The following SHB variants were observed in gnomAD, a reference collection of about 807,000 sequenced individuals.
The protein encoded by SHB is SH2 domain-containing adapter protein B.
SHB carries 20 observed loss-of-function variants against 52.3 expected under a neutral mutation model. The observed-to-expected ratio is 0.38, with a 90% CI of 0.27 to 0.56. SHB has a LOEUF of 0.56. Ranked by LOEUF, SHB falls within the 20% of genes least tolerant of loss-of-function variation. The probability of loss-of-function intolerance (pLI) is 0.71; values close to 1 mark genes in which losing one functional copy is unlikely to be tolerated. For synonymous variants in SHB, 397 were observed against 316.5 expected, an observed-to-expected ratio of 1.25 and a Z score of -2.70; for missense variants, 825 against 723.3, an observed-to-expected ratio of 1.14 and a Z score of -1.61.
chr9:38,054,048 A>T (rs1224448810), intron 1 of SHB, among the ~76,000 whole-genome samples: 1 of 152,198 alleles, frequency 6.6e-6, no homozygotes, highest in African/African-American at 2.4e-5. Context: ...TTACTATTCT[A>T]CCTACATAGA....
At position 37,943,330 on chromosome 9, in the gene SHB, T is replaced by C. The variant is rs559084695; in HGVS notation, c.1346+5305A>G. Among the ~76,000 whole-genome samples, 5 of 152,242 alleles carry C rather than the reference T, an allele frequency of 3.3e-5. 1 individual carries two copies. The South Asian group carries it at 1.0e-3, about 32-fold the overall frequency. ...CCCTGAACACATTCTCCGTGAGTTATAGGTGTAAGTGTCTTCCTTTCCTTG... is the reference window on the plus strand; with the variant it reads ...CCCTGAACACATTCTCCGTGAGTTACAGGTGTAAGTGTCTTCCTTTCCTTG... On this transcript the variant is annotated intron_variant, in intron 5 of 5. Transcript: ENST00000377707.
rs1832105869 is a variant in SHB at position 37,916,838 on chromosome 9, C to CG, written c.*2982dup. ...GCCAGAAGGGCCCTTGACTCCTCAG[C>CG]GCTCAAGGACAGAGTTGCTCAAGTG... On this transcript the variant is annotated 3_prime_UTR_variant, in exon 6 of 6. Coordinates refer to ENST00000377707, the MANE Select transcript of SHB (RefSeq NM_003028.3). 6.6e-6 allele frequency among the ~76,000 whole-genome samples: 1 copy of CG among 152,134 alleles called. No individual in the cohort carries two copies. The highest frequency in any genetic ancestry group is 6.5e-5 in the Admixed American group (1 of 15,284).
intron 1 of SHB, among the ~76,000 whole-genome samples, chr9:38,021,385 G>A (rs1377507346): frequency 6.6e-6 from 1 of 151,998 alleles, no homozygotes; most frequent in Non-Finnish European, 1.5e-5. Flanking sequence ...GCTGGGCACG[G>A]TGGCTCACAC....
In SHB at chr9:37,974,556, G is replaced by A. The variant is rs959271816; in HGVS notation, c.1054+66C>T. 12 of 1,394,338 alleles carry A rather than the reference G, an allele frequency of 8.6e-6. No individual in the cohort carries two copies. The East Asian group carries it at 1.6e-4, about 19-fold the overall frequency. The allele number at this position is 1,394,338 out of a possible 1,614,324, so 86.4% of individuals were successfully genotyped here. ...CCTGGAGTTTGTCCTGAGCGCAGGT[G>A]GGGACCAAGGTGAGTGCTGAGCGCA... On this transcript the variant is annotated intron_variant, in intron 3 of 5. Transcript: ENST00000377707.
chr9:38,052,579 C>T (rs1282494075), intron 1 of SHB, among the ~76,000 whole-genome samples: 1 of 152,198 alleles, frequency 6.6e-6, no homozygotes. Context: ...GCCCTTGGTG[C>T]CTCTGCCTAA....
chr9:37,930,359 A>G (rs945758660), intron 5 of SHB, among the ~76,000 whole-genome samples: 2 of 152,166 alleles, frequency 1.3e-5, no homozygotes, highest in African/African-American at 2.4e-5. Flanking sequence ...ATTCTCTGGC[A>G]AGACCAGCAG....
At chr9:37,967,048 T>G (rs1463208585) in intron 3 of SHB, among the ~76,000 whole-genome samples, 1 of 152,202 alleles carries the variant, frequency 6.6e-6, no homozygotes, top group Admixed American at 6.5e-5. Flanking sequence ...ACAAGTGCTG[T>G]GCAGTCAGAC....
intron 2 of SHB, among the ~76,000 whole-genome samples, chr9:38,004,241 C>T (rs560563170): frequency 6.6e-6 from 1 of 152,326 alleles, no homozygotes; most frequent in African/African-American, 2.4e-5. Flanking sequence ...CTTCAGTAAA[C>T]ACCACCTGAG....
intron 1 of SHB, among the ~76,000 whole-genome samples, chr9:38,033,475 C>T (rs1821442999): frequency 6.6e-6 from 1 of 152,150 alleles, no homozygotes; most frequent in Non-Finnish European, 1.5e-5. Flanking sequence ...CTTGAGCCCG[C>T]GAGTTCGAGA....
At chr9:37,927,846 C>CT (rs1832267731) in intron 5 of SHB, among the ~76,000 whole-genome samples, 1 of 152,134 alleles carries the variant, frequency 6.6e-6, no homozygotes, top group African/African-American at 2.4e-5. Flanking sequence ...GCAAGGAGGG[C>CT]TGGACGCAGA....
chr9:37,939,700 G>A (rs1171776012), intron 5 of SHB, among the ~76,000 whole-genome samples: 1 of 152,176 alleles, frequency 6.6e-6, no homozygotes, highest in African/African-American at 2.4e-5. Context: ...GAATGGGGGT[G>A]TTTCTATTCC....
chr9:38,068,020 G>T lies in SHB; in HGVS notation c.626C>A (p.Thr209Asn), dbSNP rs578230624. The T allele has an allele frequency of 3.4e-5, 52 of 1,513,302 alleles. No individual in the cohort carries two copies. In the East Asian group the frequency reaches 1.2e-3, roughly 34 times the overall value. 93.7% of individuals were successfully genotyped at this position (1,513,302 alleles called of 1,614,324 possible). A position where few individuals can be genotyped will look rare whatever the true frequency, so the allele number is the denominator to read the frequency against. ...GCCTCCGCAGGCCGTCGGGCTCCAG[G>T]TGCGGCCGCCCGCGCAGGCGCCCCC... is the stretch of plus-strand genomic sequence containing the variant. Reference protein sequence around the residue: ...PLGGACAGGRTWSPTACGGKK... With the variant: ...PLGGACAGGRNWSPTACGGKK... The change falls in exon 1 of 6, where the codon ACC becomes AAC. Residue 209 changes from threonine to asparagine, a missense_variant. Physicochemically the swap from Thr to Asn is moderately conservative, Grantham distance 65 (BLOSUM62 0). Transcript: ENST00000377707.
intron 5 of SHB, among the ~76,000 whole-genome samples, chr9:37,940,408 A>T (rs914756963): frequency 2.0e-5 from 3 of 152,210 alleles, no homozygotes; most frequent in Non-Finnish European, 2.9e-5. Context: ...CTCTGCAAAG[A>T]GTGTTTGAGG....
At chr9:37,945,887 A>G (rs1832485239) in intron 5 of SHB, among the ~76,000 whole-genome samples, 1 of 152,214 alleles carries the variant, frequency 6.6e-6, no homozygotes, top group African/African-American at 2.4e-5. Context: ...ATGTAGGGGA[A>G]GAAACTTGGT....
chr9:38,058,539 T>C (rs1418269499), intron 1 of SHB, among the ~76,000 whole-genome samples: 1 of 152,248 alleles, frequency 6.6e-6, no homozygotes, highest in South Asian at 2.1e-4. Flanking sequence ...CTCTCTGCTC[T>C]AGAATCTCCA....
intron 2 of SHB, among the ~76,000 whole-genome samples, chr9:38,011,866 G>GT (rs1188117462): frequency 6.6e-6 from 1 of 152,236 alleles, no homozygotes; most frequent in Non-Finnish European, 1.5e-5. Context: ...CCATAGAGCT[G>GT]TAGGGTTTAA....
chr9:37,997,931 G>C (rs1820969879), intron 2 of SHB, among the ~76,000 whole-genome samples: 1 of 152,238 alleles, frequency 6.6e-6, no homozygotes, highest in Non-Finnish European at 1.5e-5. Context: ...GGGGCAGAGG[G>C]CCCTGGGATG....
rs1338150647 is a variant in SHB, at chr9:38,068,502, G to A, written c.144C>T (p.Ser48=). ...GACCGCAGGACGCCGAGGCGGCGGAGGAGGCCTGCGGCACGGCCTGGGGGG... is the reference window on the plus strand; with the variant it reads ...GACCGCAGGACGCCGAGGCGGCGGAAGAGGCCTGCGGCACGGCCTGGGGGG... The part of the protein sequence containing the change: ...SQPPQAVPQA[S]SAASASCGPA... Residue 48 remains serine (S), a synonymous_variant, in exon 1 of 6, where the codon TCC becomes TCT. Transcript: ENST00000377707. The A allele has an allele frequency of 9.4e-6, 14 of 1,488,502 alleles. No individual in the cohort carries two copies. Among genetic ancestry groups the A allele is most frequent in the South Asian group, 1.3e-5 (1 of 78,224 alleles). 92.2% of individuals were successfully genotyped at this position (1,488,502 alleles called of 1,614,324 possible).
chr9:38,009,126 T>C (rs1821106349), intron 2 of SHB, among the ~76,000 whole-genome samples: 1 of 152,218 alleles, frequency 6.6e-6, no homozygotes, highest in African/African-American at 2.4e-5. Flanking sequence ...GGCTCCTTTT[T>C]CTGAGAAGCA....
Sources: allele counts gnomAD v4.1 joint callset (sites outside exome capture counted in the v4.1 genomes callset), GRCh38; gene constraint gnomAD v4.1.1; transcripts MANE v1.5; gene names NCBI Gene and HGNC (gene_info 2026-07-23, HGNC 2026-07-21).